The following LRRTM4 variants were observed in gnomAD, a reference collection of about 807,000 sequenced individuals.
The protein encoded by LRRTM4 is leucine-rich repeat transmembrane neuronal protein 4.
LRRTM4 carries 25 observed loss-of-function variants against 47.6 expected under a neutral mutation model. That is an observed-to-expected ratio of 0.53 (90% CI 0.38 to 0.73). The LOEUF (loss-of-function observed/expected upper bound fraction) is 0.73. LRRTM4 is among the 30% of genes least tolerant of loss of function. The pLI is 0.00. For missense variants in LRRTM4, 638 were observed against 713.4 expected (o/e 0.89, Z 1.20); for synonymous variants, 311 against 269.5 (o/e 1.15, Z -1.51).
rs761091289 is a variant in LRRTM4, at chr2:76,754,067, A to C, written c.1552-5151T>G. Among the ~76,000 whole-genome samples, 215 of 152,280 alleles carry C rather than the reference A, an allele frequency of 1.4e-3. 1 individual carries two copies. Among genetic ancestry groups the C allele is most frequent in the Non-Finnish European group, 2.0e-3 (136 of 68,018 alleles). The stretch of plus-strand genomic sequence containing the variant: ...ATTTTCTAAATGACATTTCATCTCT[A>C]ATTTTCAGAATTAAAGGATAGTGTC... On this transcript the variant is annotated intron_variant, in intron 3 of 3. Coordinates refer to ENST00000409884, the MANE Select transcript of LRRTM4 (RefSeq NM_001134745.3).
chr2:76,812,724 C>T (rs1306200477), intron 3 of LRRTM4, among the ~76,000 whole-genome samples: 5 of 123,000 alleles, frequency 4.1e-5, no homozygotes, highest in Non-Finnish European at 8.6e-5. Context: ...TTTTCTTTCT[C>T]TTTTTCTCCT....
intron 3 of LRRTM4, among the ~76,000 whole-genome samples, chr2:77,236,167 C>T (rs1675098719): frequency 6.6e-6 from 1 of 151,970 alleles, no homozygotes; most frequent in Non-Finnish European, 1.5e-5. Flanking sequence ...AATGCTTTTC[C>T]ATTTGTTTGT....
intron 3 of LRRTM4, among the ~76,000 whole-genome samples, chr2:77,149,436 A>C (rs1272087995): frequency 6.6e-6 from 1 of 152,038 alleles, no homozygotes; most frequent in Non-Finnish European, 1.5e-5. Flanking sequence ...AATTTCACAG[A>C]TTCCTTGGTC....
intron 3 of LRRTM4, among the ~76,000 whole-genome samples, chr2:76,938,032 T>A (rs1229845055): frequency 6.6e-6 from 1 of 152,158 alleles, no homozygotes; most frequent in South Asian, 2.1e-4. Flanking sequence ...CCTCCTTTTT[T>A]CCTTCCCCAG....
chr2:76,921,829 C>T (rs921111656), intron 3 of LRRTM4, among the ~76,000 whole-genome samples: 4 of 152,040 alleles, frequency 2.6e-5, no homozygotes, highest in Non-Finnish European at 5.9e-5. Context: ...GCATTAGAAT[C>T]AGCCATTTTT....
At chr2:77,258,784 T>G (rs1368601185) in intron 3 of LRRTM4, among the ~76,000 whole-genome samples, 2 of 151,856 alleles carry the variant, frequency 1.3e-5, no homozygotes, top group Non-Finnish European at 2.9e-5. Context: ...GTTCCGCAAC[T>G]CAAATAGAAA....
intron 3 of LRRTM4, among the ~76,000 whole-genome samples, chr2:77,158,038 T>C (rs1458201170): frequency 6.6e-6 from 1 of 152,174 alleles, no homozygotes; most frequent in Non-Finnish European, 1.5e-5. Context: ...TGTCTAGGAA[T>C]GTGTTCTTGG....
intron 3 of LRRTM4, among the ~76,000 whole-genome samples, chr2:77,403,260 C>T (rs547905856): frequency 2.0e-5 from 3 of 151,912 alleles, no homozygotes; most frequent in Admixed American, 2.0e-4. Context: ...ATCACCCGCA[C>T]CCCCAGAAAA....
intron 3 of LRRTM4, among the ~76,000 whole-genome samples, chr2:76,764,581 T>A (rs886196975): frequency 3.9e-5 from 6 of 152,050 alleles, no homozygotes; most frequent in Non-Finnish European, 8.8e-5. Context: ...CAGTGAGCCG[T>A]GATAGAACTA....
At position 77,006,896 on chromosome 2, in the gene LRRTM4, C is replaced by A. The variant is rs569478121; in HGVS notation, c.1552-257980G>T. ...GAGACTCGTTAAGTCCAGAGGACAG[C>A]AGTTGTACCAAATGTGTCTCTAGCC... On this transcript the variant is annotated intron_variant, in intron 3 of 3. Coordinates refer to ENST00000409884, the MANE Select transcript of LRRTM4 (RefSeq NM_001134745.3). Among the ~76,000 whole-genome samples, 7 of 152,198 alleles carry A rather than the reference C, an allele frequency of 4.6e-5. No individual in the cohort carries two copies. In the East Asian group the frequency reaches 1.2e-3, roughly 25 times the overall value.
At chr2:77,325,742 G>A (rs925172234) in intron 3 of LRRTM4, among the ~76,000 whole-genome samples, 12 of 152,026 alleles carry the variant, frequency 7.9e-5, no homozygotes, top group Admixed American at 3.3e-4. Flanking sequence ...CTATGTATCG[G>A]AAAAAAGATG....
intron 3 of LRRTM4, among the ~76,000 whole-genome samples, chr2:77,235,081 C>T (rs957791831): frequency 1.3e-5 from 2 of 152,154 alleles, no homozygotes; most frequent in Non-Finnish European, 2.9e-5. Context: ...TACATGGCTG[C>T]ATAGCATTCT....
chr2:76,923,562 A>G (rs548398683), intron 3 of LRRTM4, among the ~76,000 whole-genome samples: 10 of 152,034 alleles, frequency 6.6e-5, no homozygotes, highest in Non-Finnish European at 1.5e-4. Flanking sequence ...ATTCAAAATG[A>G]TTCACTCAAT....
chr2:77,273,689 C>T (rs1232855394), intron 3 of LRRTM4, among the ~76,000 whole-genome samples: 2 of 152,118 alleles, frequency 1.3e-5, no homozygotes, highest in East Asian at 3.9e-4. Flanking sequence ...AACAAAATTA[C>T]ATGACTAATG....
intron 3 of LRRTM4, among the ~76,000 whole-genome samples, chr2:77,425,934 T>G (rs1675086061): frequency 6.6e-6 from 1 of 151,414 alleles, no homozygotes; most frequent in African/African-American, 2.4e-5. Context: ...CTGGTCAATG[T>G]GGTGAAACCC....
At chr2:77,319,624 T>A (rs558713292) in intron 3 of LRRTM4, among the ~76,000 whole-genome samples, 44 of 152,286 alleles carry the variant, frequency 2.9e-4, no homozygotes, top group Middle Eastern at 6.8e-3. Flanking sequence ...AATATGGGAT[T>A]TTATGGGAGT....
At chr2:76,797,085 C>A (rs1399025199) in intron 3 of LRRTM4, among the ~76,000 whole-genome samples, 2 of 151,964 alleles carry the variant, frequency 1.3e-5, no homozygotes, top group Non-Finnish European at 2.9e-5. Flanking sequence ...GCAAGGCAGG[C>A]CAACGTTCAG....
At chr2:77,439,250 T>C (rs1222957260) in intron 3 of LRRTM4, among the ~76,000 whole-genome samples, 1 of 152,230 alleles carries the variant, frequency 6.6e-6, no homozygotes, top group Non-Finnish European at 1.5e-5. Flanking sequence ...TTAGAAGTCC[T>C]ATTTCAAATG....
intron 3 of LRRTM4, among the ~76,000 whole-genome samples, chr2:77,516,078 T>C (rs1027250324): frequency 6.6e-6 from 1 of 151,832 alleles, no homozygotes; most frequent in Admixed American, 6.6e-5. Flanking sequence ...ATGTATAGCC[T>C]ACTAATGTCC....
Sources: allele counts gnomAD v4.1 joint callset (sites outside exome capture counted in the v4.1 genomes callset), GRCh38; gene constraint gnomAD v4.1.1; transcripts MANE v1.5; gene names NCBI Gene and HGNC (gene_info 2026-07-23, HGNC 2026-07-21).